The following TENM2 variants were observed in gnomAD, a reference collection of about 807,000 sequenced individuals.
TENM2 encodes teneurin transmembrane protein 2.
A neutral mutation model predicts 245.2 loss-of-function variants in TENM2; 52 were observed. That is an observed-to-expected ratio of 0.21 (90% CI 0.17 to 0.27). TENM2 has a LOEUF of 0.27. Among genes scored for constraint, TENM2 ranks in the 10% least tolerant of loss-of-function variants. The probability of loss-of-function intolerance (pLI) is 1.00; values close to 1 mark genes in which losing one functional copy is unlikely to be tolerated. For missense variants in TENM2, 3,046 were observed against 3,666.8 expected (o/e 0.83, Z 4.37); for synonymous variants, 1,363 against 1,438.9 (o/e 0.95, Z 1.19).
intron 9 of TENM2, among the ~76,000 whole-genome samples, chr5:168,100,043 A>G (rs1317483299): frequency 6.6e-6 from 1 of 152,178 alleles, no homozygotes; most frequent in Non-Finnish European, 1.5e-5. Flanking sequence ...TTGTTGGTAT[A>G]TAGGAATGCT....
At chr5:167,923,344 G>C (rs1777516029) in intron 3 of TENM2, among the ~76,000 whole-genome samples, 2 of 151,662 alleles carry the variant, frequency 1.3e-5, no homozygotes, top group African/African-American at 4.9e-5. Context: ...AAAGCCATGG[G>C]AAGAGGTTAT....
At chr5:167,431,947 A>ATATATATATATG (rs1764258493) in intron 2 of TENM2, among the ~76,000 whole-genome samples, 7 of 134,520 alleles carry the variant, frequency 5.2e-5, no homozygotes, top group Admixed American at 7.3e-5. Context: ...ATACATATAT[A>ATATATATATATG]TGTATATATA....
rs189768453 is a variant in TENM2, at chr5:167,645,926, C to G, written c.503-230060C>G. Among the ~76,000 whole-genome samples the G allele has an allele frequency of 1.6e-4, 24 of 151,552 alleles. No homozygotes were observed. The East Asian group carries it at 4.7e-3, about 30-fold the overall frequency. On this transcript the variant is annotated intron_variant, in intron 2 of 28. Transcript: ENST00000518659. ...TAATGCTGGGCTTGAGTGTCTATTA[C>G]TTTTTAAACTACACTTGTGCTATTA...
chr5:167,299,471 G>A (rs1332712110), intron 1 of TENM2, among the ~76,000 whole-genome samples: 1 of 152,272 alleles, frequency 6.6e-6, no homozygotes, highest in South Asian at 2.1e-4. Flanking sequence ...CCTCGAGCTT[G>A]ATGTGTGTAG....
chr5:167,694,734 C>A (rs1757652007), intron 2 of TENM2, among the ~76,000 whole-genome samples: 1 of 152,062 alleles, frequency 6.6e-6, no homozygotes, highest in Admixed American at 6.6e-5. Context: ...ATGAATAGTT[C>A]TCATTAGTTG....
intron 12 of TENM2, chr5:168,130,446 G>A (rs1405610133): frequency 1.3e-5 from 2 of 152,142 alleles, no homozygotes; most frequent in African/African-American, 4.8e-5. Context: ...TGTATCTTTG[G>A]AATATATTAG....
chr5:168,028,799 CAAA>C (rs34319215), intron 5 of TENM2, among the ~76,000 whole-genome samples: 3,282 of 122,050 alleles, frequency 0.027, 84 homozygotes, highest in African/African-American at 0.058. Context: ...TAGCAACTGT[CAAA>C]AAAAAAAAAA....
chr5:167,142,141 G>T, the TENM2 span, among the ~76,000 whole-genome samples: 3 of 152,154 alleles, frequency 2.0e-5, no homozygotes, highest in African/African-American at 4.8e-5. Flanking sequence ...GTCGCTATGT[G>T]TGTGTAGATA....
At chr5:167,568,480 GAACAAC>G (rs1351696607) in intron 2 of TENM2, among the ~76,000 whole-genome samples, 1 of 151,924 alleles carries the variant, frequency 6.6e-6, no homozygotes, top group Non-Finnish European at 1.5e-5. Flanking sequence ...ATATAGCAGT[GAACAAC>G]AACAACAACA....
In TENM2 at chr5:167,458,832, C is replaced by A. The variant is rs552777800; in HGVS notation, c.502+83359C>A. Among the ~76,000 whole-genome samples, 37 of 152,262 alleles carry A rather than the reference C, an allele frequency of 2.4e-4. 1 individual carries two copies. The highest frequency in any genetic ancestry group is 8.7e-4 in the African/African-American group (36 of 41,556). On this transcript the variant is annotated intron_variant, in intron 2 of 28. Coordinates refer to ENST00000518659, the Ensembl canonical transcript of TENM2. ...GTCACAGACAGTTTAAATAACTGAT[C>A]CAAAGTAGCACACTGTGGGTGAAAG...
At chr5:167,880,188 A>G (rs1480162143) in intron 3 of TENM2, among the ~76,000 whole-genome samples, 1 of 151,996 alleles carries the variant, frequency 6.6e-6, no homozygotes, top group African/African-American at 2.4e-5. Flanking sequence ...GCACACCACC[A>G]TACTTGGCTA....
At chr5:167,866,678 G>A (rs979706468) in intron 2 of TENM2, among the ~76,000 whole-genome samples, 1 of 152,070 alleles carries the variant, frequency 6.6e-6, no homozygotes, top group African/African-American at 2.4e-5. Flanking sequence ...TATAGGCAAT[G>A]GAAAGCCTTG....
chr5:168,066,286 C>G (rs1476397069), intron 7 of TENM2, among the ~76,000 whole-genome samples: 1 of 152,158 alleles, frequency 6.6e-6, no homozygotes, highest in Non-Finnish European at 1.5e-5. Flanking sequence ...TTAAGCACTT[C>G]TTATATCAAC....
chr5:167,268,650 A>G, the TENM2 span, among the ~76,000 whole-genome samples: 57 of 152,284 alleles, frequency 3.7e-4, no homozygotes, highest in African/African-American at 1.3e-3. Flanking sequence ...GTCAAATGGA[A>G]CTTGCTGGCT....
intron 3 of TENM2, among the ~76,000 whole-genome samples, chr5:167,945,563 C>G (rs111403300): frequency 6.6e-6 from 1 of 152,186 alleles, no homozygotes; most frequent in Non-Finnish European, 1.5e-5. Flanking sequence ...CCTGCCGACC[C>G]TAGTCCTTTA....
chr5:167,470,208 T>C (rs1766925009), intron 2 of TENM2, among the ~76,000 whole-genome samples: 1 of 151,986 alleles, frequency 6.6e-6, no homozygotes, highest in Admixed American at 6.6e-5. Context: ...TAATAGAAGG[T>C]TTTGCAGCAA....
At position 168,226,281 on chromosome 5, in the gene TENM2, C is replaced by G; in HGVS notation, c.5284+18C>G. The stretch of plus-strand genomic sequence containing the variant: ...GGTACAAGGTGAGCCTCCACCCATA[C>G]CATCCTACCCCCAAACTCACCCATA... On this transcript the variant is annotated intron_variant, in intron 24 of 28. Coordinates refer to ENST00000518659, the Ensembl canonical transcript of TENM2. 6.2e-7 allele frequency: 1 copy of G among 1,606,972 alleles called. No individual in the cohort carries two copies. Among genetic ancestry groups the G allele is most frequent in the East Asian group, 2.2e-5 (1 of 44,686 alleles).
chr5:167,411,065 G>T (rs942165225), intron 2 of TENM2, among the ~76,000 whole-genome samples: 3 of 152,160 alleles, frequency 2.0e-5, no homozygotes, highest in African/African-American at 7.2e-5. Context: ...GAAACACATT[G>T]TTGTGCAATA....
intron 2 of TENM2, among the ~76,000 whole-genome samples, chr5:167,512,314 G>A (rs1770019224): frequency 6.6e-6 from 1 of 152,134 alleles, no homozygotes; most frequent in Non-Finnish European, 1.5e-5. Context: ...AAAGAATTTG[G>A]CATGGCCCAC....
Sources: gnomAD v4.1 joint callset for allele counts (sites outside exome capture counted in the v4.1 genomes callset) on GRCh38, gnomAD v4.1.1 for gene constraint, MANE v1.5 for transcripts, NCBI Gene and HGNC (gene_info 2026-07-23, HGNC 2026-07-21) for gene names.